Variants in ZNF671 observed in about 807,000 individuals in gnomAD.
ZNF671 encodes zinc finger protein 671, also known as hypothetical protein FLJ23506.
ZNF671 carries 19 observed loss-of-function variants against 16.6 expected under a neutral mutation model. That is an observed-to-expected ratio of 1.14 (90% CI 0.80 to 1.68). ZNF671 has a LOEUF of 1.68. Ranked by LOEUF, ZNF671 falls within the 40% of genes most tolerant of loss-of-function variation. The pLI is 0.00. For missense variants in ZNF671, 637 were observed against 659.8 expected, an observed-to-expected ratio of 0.97 and a Z score of 0.38; for synonymous variants, 238 against 236.3, an observed-to-expected ratio of 1.01 and a Z score of -0.06.
rs537589154 is a variant in ZNF671 at position 57,721,442 on chromosome 19, T to C, written c.644A>G (p.Asn215Ser). 1.5e-5 allele frequency: 24 copies of C among 1,614,200 alleles called. No individual in the cohort carries two copies. The highest frequency in any genetic ancestry group is 5.3e-5 in the African/African-American group (4 of 75,052). ...TDFDQHQNQP[N>S]GGKLFPRKEG... is the part of the protein sequence containing the mutation. ...CTTCCTTGGGAAAAGTTTCCCTCCA[T>C]TGGGCTGGTTCTGGTGCTGGTCAAA... is the stretch of plus-strand genomic sequence containing the variant. Residue 215 changes from asparagine to serine, a missense_variant, in exon 4 of 4, where the codon AAT (asparagine) becomes AGT (serine). Asn to Ser is a conservative substitution (Grantham distance 46). Coordinates refer to ENST00000317398, the MANE Select transcript of ZNF671 (RefSeq NM_024833.3).
intron 1 of ZNF671, among the ~76,000 whole-genome samples, chr19:57,725,824 C>T (rs1260572970): frequency 6.6e-6 from 1 of 151,412 alleles, no homozygotes; most frequent in East Asian, 2.0e-4. Flanking sequence ...ATCCCAGCTA[C>T]TGGGAAAACT....
Position 57,720,793 on chromosome 19 carries a change from C to A in ZNF671, c.1293G>T (p.Gly431=). The A allele has an allele frequency of 6.2e-7, 1 of 1,614,236 alleles. No homozygotes were observed. Among genetic ancestry groups the A allele is most frequent in the South Asian group, 1.1e-5 (1 of 91,088 alleles). ...GGTGGGAGCTTTGGCTAAAGGCCTT[C>A]CCACATTCACTGCACTCATAAGGCC... ...GERPYECSEC[G]KAFSQSSHLN... is the part of the protein sequence containing the mutation. Residue 431 remains glycine (G), a synonymous_variant, in exon 4 of 4, where the codon GGG becomes GGT. Coordinates refer to ENST00000317398, the MANE Select transcript of ZNF671 (RefSeq NM_024833.3).
chr19:57,721,740 G>A (rs999785402), intron 3 of ZNF671, 43 bp from the exon 4 acceptor site: 4 of 1,582,130 alleles, frequency 2.5e-6, no homozygotes, highest in Non-Finnish European at 3.4e-6. Context: ...ATTTACGGGT[G>A]GGAAGGGGCA....
Position 57,720,410 on chromosome 19 carries a change from A to G in ZNF671, c.*71T>C. 12 of 1,545,696 alleles carry G rather than the reference A, an allele frequency of 7.8e-6. No individual in the cohort carries two copies. The South Asian group carries it at 1.5e-4, about 19-fold the overall frequency. ...CCTGCATCTGCTGCACTCATTAACT[A>G]CTGCTAGTTCCCCACCATATAGTAA... is the stretch of plus-strand genomic sequence containing the variant. On this transcript the variant is annotated 3_prime_UTR_variant, in exon 4 of 4. Coordinates refer to ENST00000317398, the MANE Select transcript of ZNF671 (RefSeq NM_024833.3).
At chr19:57,726,039 G>A (rs1036479725) in intron 1 of ZNF671, among the ~76,000 whole-genome samples, 10 of 151,972 alleles carry the variant, frequency 6.6e-5, no homozygotes, top group South Asian at 4.2e-4. Flanking sequence ...GTTGAGGTCG[G>A]GAGTTCAAGA....
chr19:57,725,879 AG>A (rs1986026144), intron 1 of ZNF671, among the ~76,000 whole-genome samples: 1 of 152,172 alleles, frequency 6.6e-6, no homozygotes, highest in South Asian at 2.1e-4. Context: ...AGCTGCAGTG[AG>A]CCAAGATCGC....
At chr19:57,721,755 C>T in intron 3 of ZNF671, 58 bp from the exon 4 acceptor site, 1 of 1,566,310 alleles carries the variant, frequency 6.4e-7, no homozygotes, top group Non-Finnish European at 8.7e-7. Flanking sequence ...GGGGCAACCT[C>T]ATTGTATATG....
rs1462101034 is a variant in ZNF671, at chr19:57,720,936, G to T, written c.1150C>A (p.Leu384Ile). 1.2e-6 allele frequency: 2 copies of T among 1,614,046 alleles called. No homozygotes were observed. Among genetic ancestry groups the T allele is most frequent in the African/African-American group, 1.3e-5 (1 of 74,918 alleles). ...GTGTGAACTTCCTGGTGTCGAATGA[G>T]ATTAGACTTACTGCTAAAAAATTTC... is the stretch of plus-strand genomic sequence containing the variant. Reference protein sequence around the residue: ...CGKFFSSKSNLIRHQEVHTGA... With the variant: ...CGKFFSSKSNIIRHQEVHTGA... The change falls in exon 4 of 4, where the codon CTC becomes ATC. Residue 384 changes from leucine to isoleucine, a missense_variant. Physicochemically the swap from Leu to Ile is conservative, Grantham distance 5. Coordinates refer to ENST00000317398, the MANE Select transcript of ZNF671 (RefSeq NM_024833.3).
intron 1 of ZNF671, among the ~76,000 whole-genome samples, chr19:57,725,306 A>C (rs1485742792): frequency 6.6e-6 from 1 of 151,122 alleles, no homozygotes; most frequent in Non-Finnish European, 1.5e-5. Flanking sequence ...TCTACCAAAA[A>C]TACAAACAAA....
chr19:57,725,299 A>G (rs1338960037), intron 1 of ZNF671, among the ~76,000 whole-genome samples: 1 of 150,434 alleles, frequency 6.6e-6, no homozygotes, highest in Non-Finnish European at 1.5e-5. Context: ...CCCCGTCTCT[A>G]CCAAAAATAC....
chr19:57,721,539 G>C lies in ZNF671; in HGVS notation c.547C>G (p.His183Asp). The change falls in exon 4 of 4, where the codon CAT becomes GAT. Residue 183 changes from histidine (H) to aspartate (D), a missense_variant. His to Asp is a moderately conservative substitution (Grantham distance 81). Transcript: ENST00000317398. ...LKDTLHLAKY[H>D]GGKARQKPYL... ...GGTTTCTGCCTGGCTTTTCCCCCAT[G>C]GTATTTAGCCAGGTGTAAGGTATCT... 6.2e-7 allele frequency: 1 copy of C among 1,614,146 alleles called. No homozygotes were observed. Among genetic ancestry groups the C allele is most frequent in the Non-Finnish European group, 8.5e-7 (1 of 1,180,034 alleles).
intron 3 of ZNF671, chr19:57,722,077 T>C: frequency 3.3e-6 from 2 of 611,054 alleles, no homozygotes; most frequent in Non-Finnish European, 5.5e-6. Context: ...TGCAGGTCAA[T>C]ACTGCCAAAA....
Position 57,720,685 on chromosome 19 carries a change from A to C in ZNF671, c.1401T>G (p.Ile467Met). The change falls in exon 4 of 4, where the codon ATT (isoleucine) becomes ATG (methionine). Residue 467 changes from isoleucine to methionine, a missense_variant. Ile to Met is a conservative substitution (Grantham distance 10). Transcript: ENST00000317398. ...CTCCAGAGTGAACTTTCTGGTGCTG[A>C]ATGAGTTTGGAGATGCAGCTGAAAG... ...GKAFSCISKL[I>M]QHQKVHSGEK... is the part of the protein sequence containing the mutation. 1.2e-6 allele frequency: 2 copies of C among 1,614,170 alleles called. No individual in the cohort carries two copies. The highest frequency in any genetic ancestry group is 1.7e-6 in the Non-Finnish European group (2 of 1,180,034).
intron 3 of ZNF671, chr19:57,722,071 G>A: frequency 1.7e-6 from 1 of 589,426 alleles, no homozygotes; most frequent in Non-Finnish European, 2.9e-6. Flanking sequence ...ATTAATTGCA[G>A]GTCAATACTG....
chr19:57,720,470 T>C lies in ZNF671; in HGVS notation c.*11A>G. 6.2e-7 allele frequency: 1 copy of C among 1,606,080 alleles called. No homozygotes were observed. Among genetic ancestry groups the C allele is most frequent in the Non-Finnish European group, 8.5e-7 (1 of 1,173,878 alleles). ...ATTGGCCTAAGACTTTCCCCCACAT[T>C]TGCTACACTCTTAAAGCTTTTCTCC... is the stretch of plus-strand genomic sequence containing the variant. On this transcript the variant is annotated 3_prime_UTR_variant, in exon 4 of 4. Transcript: ENST00000317398.
At chr19:57,726,070 A>G (rs1986034368) in intron 1 of ZNF671, among the ~76,000 whole-genome samples, 1 of 150,570 alleles carries the variant, frequency 6.6e-6, no homozygotes, top group Non-Finnish European at 1.5e-5. Context: ...CAACACGGTG[A>G]ACGTCCCCCC....
rs1432258665 is a variant in ZNF671 at position 57,727,615 on chromosome 19, T to C, written c.-87A>G. ...CAGGGACAGCCTGACAGAAACAAAA[T>C]GTCCGCTACAAGGAGGAGCCGGAAG... On this transcript the variant is annotated 5_prime_UTR_variant, in exon 1 of 4. Coordinates refer to ENST00000317398, the MANE Select transcript of ZNF671 (RefSeq NM_024833.3). 14 of 1,527,322 alleles carry C rather than the reference T, an allele frequency of 9.2e-6. No homozygotes were observed. Among genetic ancestry groups the C allele is most frequent in the Admixed American group, 4.0e-5 (2 of 50,206 alleles). The allele number at this position is 1,527,322 out of a possible 1,614,324, so 94.6% of individuals were successfully genotyped here. A position where few individuals can be genotyped will look rare whatever the true frequency, so the allele number is the denominator to read the frequency against.
intron 2 of ZNF671, among the ~76,000 whole-genome samples, 191 bp from the exon 3 acceptor site, chr19:57,722,629 C>T (rs1047155394): frequency 3.3e-5 from 5 of 152,150 alleles, no homozygotes; most frequent in South Asian, 4.1e-4. Flanking sequence ...CTGAGCTGGG[C>T]GCAGTGGCTC....
chr19:57,720,539 A>T lies in ZNF671; in HGVS notation c.1547T>A (p.Phe516Tyr), dbSNP rs2122451672. 6.2e-7 allele frequency: 1 copy of T among 1,614,194 alleles called. No homozygotes were observed. Among genetic ancestry groups the T allele is most frequent in the South Asian group, 1.1e-5 (1 of 91,084 alleles). Residue 516 changes from phenylalanine to tyrosine, a missense_variant, in exon 4 of 4, where the codon TTC (phenylalanine) becomes TAC (tyrosine). Transcript: ENST00000317398. Reference sequence around the variant, plus strand: ...CAGAACAAGTGTCTGTTTCCGGATGAATTCTCTCCCGCACTCACTACACAC... The same window carrying T: ...CAGAACAAGTGTCTGTTTCCGGATGTATTCTCTCCCGCACTCACTACACAC... ...PYVCSECGREFIRKQTLVLHQ... is the reference protein window; with the variant it reads ...PYVCSECGREYIRKQTLVLHQ...
Sources: gnomAD v4.1 joint callset for allele counts (sites outside exome capture counted in the v4.1 genomes callset) on GRCh38, gnomAD v4.1.1 for gene constraint, MANE v1.5 for transcripts, NCBI Gene and HGNC (gene_info 2026-07-23, HGNC 2026-07-21) for gene names.